GFRA1: variants seen among roughly 807,000 people sequenced by gnomAD.
GFRA1 encodes the protein GDNF family receptor alpha 1.
A neutral mutation model predicts 51.6 loss-of-function variants in GFRA1; 16 were observed. The observed-to-expected ratio is 0.31, with a 90% confidence interval of 0.21 to 0.47. The LOEUF is 0.47. Ranked by LOEUF, GFRA1 falls within the 20% of genes least tolerant of loss-of-function variation. The pLI, the probability that GFRA1 is intolerant of heterozygous loss-of-function variation, is 1.00. For synonymous variants in GFRA1, 270 were observed against 241.3 expected (o/e 1.12, Z -1.10); for missense variants, 530 against 594.3 (o/e 0.89, Z 1.13).
At chr10:116,210,538 A>G (rs750929160) in intron 5 of GFRA1, among the ~76,000 whole-genome samples, 60 of 152,266 alleles carry the variant, frequency 3.9e-4, no homozygotes, top group Non-Finnish European at 7.2e-4. Context: ...CTTATTACTT[A>G]TAGCTTGTTG....
intron 4 of GFRA1, among the ~76,000 whole-genome samples, chr10:116,244,922 C>T (rs192276821): frequency 1.3e-5 from 2 of 152,216 alleles, no homozygotes; most frequent in African/African-American, 2.4e-5. Context: ...CCAGTGAAAT[C>T]AGTAAACATA....
intron 4 of GFRA1, among the ~76,000 whole-genome samples, chr10:116,220,763 A>C (rs1350503065): frequency 1.3e-5 from 2 of 152,220 alleles, no homozygotes; most frequent in Admixed American, 1.3e-4. Context: ...AATCACCTGA[A>C]GGAACTTAAA....
chr10:116,161,369 G>C (rs1959769544), intron 5 of GFRA1, among the ~76,000 whole-genome samples: 1 of 152,128 alleles, frequency 6.6e-6, no homozygotes, highest in Admixed American at 6.5e-5. Context: ...TTTATGATGA[G>C]GACCACCATG....
At chr10:116,169,303 C>T (rs1197852071) in intron 5 of GFRA1, among the ~76,000 whole-genome samples, 1 of 152,222 alleles carries the variant, frequency 6.6e-6, no homozygotes, top group African/African-American at 2.4e-5. Context: ...GTACCTTCCC[C>T]AAAAGCTGAT....
rs572470416 is a variant in GFRA1, at chr10:116,199,713, A to AT, written c.433+11917dup. ...ATTGACCAGGGTTGGTATTTGTTTC[A>AT]TTTTTTTTCCTTTTAGAGTGAAATT... On this transcript the variant is annotated intron_variant, in intron 5 of 10. Transcript: ENST00000355422. Among the ~76,000 whole-genome samples, 279 of 152,054 alleles carry AT rather than the reference A, an allele frequency of 1.8e-3. 1 individual carries two copies. The highest frequency in any genetic ancestry group is 6.8e-3 in the Middle Eastern group (2 of 294).
intron 4 of GFRA1, chr10:116,255,503 A>T: frequency 1.0e-6 from 1 of 953,968 alleles, no homozygotes. Flanking sequence ...AGGAAAAAAA[A>T]AAACAAAAAA....
rs375257524 is a variant in GFRA1 at position 116,181,865 on chromosome 10, G to A, written c.433+29766C>T. On this transcript the variant is annotated intron_variant, in intron 5 of 10. Transcript: ENST00000355422. The stretch of plus-strand genomic sequence containing the variant: ...TCGCTGTGTTAGCCAGGATGGTCTC[G>A]ATCTCCTGACCTCGTGATCCACCCG... Among the ~76,000 whole-genome samples, 16 of 152,210 alleles carry A rather than the reference G, an allele frequency of 1.1e-4. No homozygotes were observed. In the South Asian group the frequency reaches 1.4e-3, roughly 14 times the overall value.
At chr10:116,207,498 G>A (rs913735645) in intron 5 of GFRA1, among the ~76,000 whole-genome samples, 3 of 152,134 alleles carry the variant, frequency 2.0e-5, no homozygotes, top group Admixed American at 2.0e-4. Flanking sequence ...ATGTGGTGTC[G>A]AAGGAGACAC....
rs1954596038 is a variant in GFRA1 at position 116,057,449 on chromosome 10, CA to C, written c.*6948del. On this transcript the variant is annotated 3_prime_UTR_variant, in exon 11 of 11. Transcript: ENST00000355422. ...ATAAACCTGCATGAAACAGAACGAA[CA>C]TAAGCTGAAACACACCCTCGGGTTA... 6.6e-6 allele frequency: 1 copy of C among 152,132 alleles called. No homozygotes were observed. The highest frequency in any genetic ancestry group is 1.5e-5 in the Non-Finnish European group (1 of 68,030). The allele number at this position is 152,132 out of a possible 1,614,324, so 9.4% of individuals were successfully genotyped here.
In GFRA1 at chr10:116,115,883, G is replaced by C. The variant is rs1399519957; in HGVS notation, c.770+9338C>G. Among the ~76,000 whole-genome samples the C allele has an allele frequency of 3.3e-5, 5 of 152,148 alleles. No individual in the cohort carries two copies. The East Asian group carries it at 9.7e-4, about 29-fold the overall frequency. On this transcript the variant is annotated intron_variant, in intron 6 of 10. Coordinates refer to ENST00000355422, the MANE Select transcript of GFRA1 (RefSeq NM_005264.8). ...AGGTGGCTGGTGGACAGAGCAGAAG[G>C]GTTCTCTTTGAAGAGAGACAAGCTG... is the stretch of plus-strand genomic sequence containing the variant.
chr10:116,237,524 C>G (rs1966970183), intron 4 of GFRA1, among the ~76,000 whole-genome samples: 1 of 144,706 alleles, frequency 6.9e-6, no homozygotes, highest in African/African-American at 2.6e-5. Flanking sequence ...TGTTATGCAG[C>G]AGACACTGAG....
upstream of GFRA1, among the ~76,000 whole-genome samples, chr10:116,274,643 G>A (rs771237997): frequency 2.0e-5 from 3 of 152,064 alleles, no homozygotes; most frequent in Non-Finnish European, 4.4e-5. Flanking sequence ...CCCCAAACCC[G>A]GGGGACATCC....
chr10:116,200,642 C>G (rs1480520643), intron 5 of GFRA1, among the ~76,000 whole-genome samples: 1 of 152,158 alleles, frequency 6.6e-6, no homozygotes, highest in Non-Finnish European at 1.5e-5. Context: ...GGTGAGGACT[C>G]TCTTCCTGGC....
At chr10:116,180,010 G>A (rs1762396930) in intron 5 of GFRA1, among the ~76,000 whole-genome samples, 1 of 152,156 alleles carries the variant, frequency 6.6e-6, no homozygotes, top group Non-Finnish European at 1.5e-5. Context: ...TTCCCACACT[G>A]AGAATTTTGT....
chr10:116,092,096 T>TACACACACACACACACAC lies in GFRA1; in HGVS notation c.1015+1588_1015+1605dup, dbSNP rs58442181. 1.7e-3 allele frequency among the ~76,000 whole-genome samples: 232 copies of TACACACACACACACACAC among 138,178 alleles called. 1 individual carries two copies. The highest frequency in any genetic ancestry group is 9.1e-3 in the South Asian group (35 of 3,856). The allele number at this position is 138,178 out of a possible 152,430, so 90.7% of individuals were successfully genotyped here. On this transcript the variant is annotated intron_variant, in intron 8 of 10. Coordinates refer to ENST00000355422, the MANE Select transcript of GFRA1 (RefSeq NM_005264.8). ...AAAAGAGGAAATATACATACATACG[T>TACACACACACACACACAC]ACACACACACACACACACACACACA...
chr10:116,152,655 C>T (rs1004640589), intron 5 of GFRA1, among the ~76,000 whole-genome samples: 7 of 152,200 alleles, frequency 4.6e-5, no homozygotes, highest in African/African-American at 9.6e-5. Context: ...TTTCAACATG[C>T]GATTCAGACG....
intron 5 of GFRA1, among the ~76,000 whole-genome samples, chr10:116,127,111 AAAAT>A (rs1448778779): frequency 9.2e-5 from 14 of 152,100 alleles, no homozygotes; most frequent in African/African-American, 3.4e-4. Flanking sequence ...GAAAAAAAAA[AAAAT>A]GGGGAGTTGC....
intron 7 of GFRA1, among the ~76,000 whole-genome samples, chr10:116,094,359 C>T (rs1273446490): frequency 6.6e-6 from 1 of 152,114 alleles, no homozygotes; most frequent in Non-Finnish European, 1.5e-5. Context: ...CTCAACTGAT[C>T]TAAATAAAGT....
At chr10:116,104,202 T>C (rs2694790) in intron 6 of GFRA1, among the ~76,000 whole-genome samples, 30,211 of 152,218 alleles carry the variant, frequency 0.2, 3,121 homozygotes, top group African/African-American at 0.25. Context: ...CGGCCACATG[T>C]TGGTGAGAAA....
Sources: allele counts gnomAD v4.1 joint callset (sites outside exome capture counted in the v4.1 genomes callset), GRCh38; gene constraint gnomAD v4.1.1; transcripts MANE v1.5; gene names NCBI Gene and HGNC (gene_info 2026-07-23, HGNC 2026-07-21).